AK2: variants seen among roughly 807,000 people sequenced by gnomAD.
AK2 encodes adenylate kinase 2.
In AK2, 15 loss-of-function variants were observed where a neutral mutation model predicts 24.6. The ratio of observed to expected loss-of-function variants is 0.61; its 90% confidence interval spans 0.41 to 0.94. The LOEUF (loss-of-function observed/expected upper bound fraction) is 0.94. Ranked by LOEUF, AK2 falls within the 40% of genes least tolerant of loss-of-function variation. The pLI is 0.00. For missense variants in AK2, 257 were observed against 304.1 expected (o/e 0.85, Z 1.15); for synonymous variants, 102 against 114.0 (o/e 0.90, Z 0.67).
chr1:33,018,985 A>G (rs1433845386), intron 4 of AK2, among the ~76,000 whole-genome samples: 3 of 152,182 alleles, frequency 2.0e-5, no homozygotes, highest in South Asian at 2.1e-4. Context: ...GCTCTTCTCA[A>G]CAGCATTCCT....
At position 33,008,360 on chromosome 1, in the gene AK2, G is replaced by C. The variant is rs1204515455; in HGVS notation, c.*4821C>G. On this transcript the variant is annotated 3_prime_UTR_variant, in exon 6 of 6. Coordinates refer to ENST00000672715, the MANE Select transcript of AK2 (RefSeq NM_001625.4). ...TCTGTCTTCATCTGAGGAAAGACTTGTGAGGCTTCTGAGGAGGCTGCTCTC... is the reference window on the plus strand; with the variant it reads ...TCTGTCTTCATCTGAGGAAAGACTTCTGAGGCTTCTGAGGAGGCTGCTCTC... The C allele has an allele frequency of 2.2e-6, 1 of 454,120 alleles. No homozygotes were observed. Among genetic ancestry groups the C allele is most frequent in the Non-Finnish European group, 4.4e-6 (1 of 226,786 alleles). The allele number at this position is 454,120 out of a possible 1,614,324, so 28.1% of individuals were successfully genotyped here.
At position 33,009,100 on chromosome 1, in the gene AK2, G is replaced by C. The variant is rs1173122720; in HGVS notation, c.*4081C>G. ...AGGTGAGGAAGTGGAGCAGAAGAGG[G>C]AGGGGCTGGTTCAGGGAACAGGATT... On this transcript the variant is annotated 3_prime_UTR_variant, in exon 6 of 6. Transcript: ENST00000672715. The C allele has an allele frequency of 2.2e-6, 1 of 453,786 alleles. No individual in the cohort carries two copies. The highest frequency in any genetic ancestry group is 1.6e-5 in the South Asian group (1 of 64,464). The allele number at this position is 453,786 out of a possible 1,614,324, so 28.1% of individuals were successfully genotyped here. A position where few individuals can be genotyped will look rare whatever the true frequency, so the allele number is the denominator to read the frequency against.
At chr1:33,016,330 G>C (rs1366803038) in intron 4 of AK2, among the ~76,000 whole-genome samples, 2 of 152,130 alleles carry the variant, frequency 1.3e-5, no homozygotes, top group Non-Finnish European at 2.9e-5. Flanking sequence ...TCCTGCCTCA[G>C]CCTCCCAAGT....
At chr1:33,032,331 A>T (rs533313868) in intron 1 of AK2, 7 of 152,376 alleles carry the variant, frequency 4.6e-5, no homozygotes, top group Admixed American at 4.6e-4. Context: ...GAATGGAGGC[A>T]TCACTGCCAG....
chr1:33,024,869 A>G (rs920555726), intron 1 of AK2, among the ~76,000 whole-genome samples: 4 of 152,232 alleles, frequency 2.6e-5, no homozygotes, highest in Admixed American at 6.5e-5. Flanking sequence ...CTAGTGACAC[A>G]TAAGTTTCAG....
rs377077897 is a variant in AK2 at position 33,008,553 on chromosome 1, A to C, written c.*4628T>G. 1 of 454,098 alleles carries C rather than the reference A, an allele frequency of 2.2e-6. No individual in the cohort carries two copies. Among genetic ancestry groups the C allele is most frequent in the South Asian group, 1.6e-5 (1 of 64,474 alleles). 28.1% of individuals were successfully genotyped at this position (454,098 alleles called of 1,614,324 possible). On this transcript the variant is annotated 3_prime_UTR_variant, in exon 6 of 6. Transcript: ENST00000672715. ...AGCAGCCCTTCCTGTGTGCAGAGCTACGCAAGTAATTAAATCACTTCAGCA... is the reference window on the plus strand; with the variant it reads ...AGCAGCCCTTCCTGTGTGCAGAGCTCCGCAAGTAATTAAATCACTTCAGCA...
chr1:33,031,482 G>C (rs1277393206), intron 1 of AK2: 1 of 423,212 alleles, frequency 2.4e-6, no homozygotes, highest in African/African-American at 2.0e-5. Context: ...ACTGAGCAAT[G>C]GGTGACTATG....
chr1:33,034,285 C>T (rs1557637102), intron 1 of AK2, among the ~76,000 whole-genome samples: 4 of 152,122 alleles, frequency 2.6e-5, no homozygotes, highest in Non-Finnish European at 5.9e-5. Flanking sequence ...TCAATCAACT[C>T]ATTAGTATAA....
At chr1:33,024,839 C>T (rs1273958905) in intron 1 of AK2, among the ~76,000 whole-genome samples, 2 of 152,182 alleles carry the variant, frequency 1.3e-5, no homozygotes, top group Non-Finnish European at 2.9e-5. Flanking sequence ...TATTAATTAT[C>T]ACTATTTCCA....
intron 2 of AK2, among the ~76,000 whole-genome samples, chr1:33,022,276 C>CA (rs1383542657): frequency 6.6e-6 from 1 of 150,628 alleles, no homozygotes; most frequent in African/African-American, 2.4e-5. Flanking sequence ...CATGAGGAAA[C>CA]AGAGAAGTTC....
At chr1:33,026,114 C>CT (rs1487450959) in intron 1 of AK2, among the ~76,000 whole-genome samples, 1 of 152,222 alleles carries the variant, frequency 6.6e-6, no homozygotes, top group African/African-American at 2.4e-5. Context: ...TCAATTTTAG[C>CT]TTTTTCCGTT....
chr1:33,034,476 A>G (rs1640450737), intron 1 of AK2, among the ~76,000 whole-genome samples: 1 of 151,162 alleles, frequency 6.6e-6, no homozygotes, highest in Non-Finnish European at 1.5e-5. Context: ...ACACACACAC[A>G]CACACACACA....
In AK2 at chr1:33,022,386, C is replaced by T. The variant is rs1157912319; in HGVS notation, c.220-683G>A. The stretch of plus-strand genomic sequence containing the variant: ...TTTTTTTTTTTTTTTGAGACAGTCT[C>T]ATTCTGTTGCCCAGGCTGGAGTACA... On this transcript the variant is annotated intron_variant, in intron 2 of 5. Transcript: ENST00000672715. 4.4e-5 allele frequency among the ~76,000 whole-genome samples: 6 copies of T among 135,458 alleles called. No individual in the cohort carries two copies. In the East Asian group the frequency reaches 1.1e-3, roughly 26 times the overall value. 88.9% of individuals were successfully genotyped at this position (135,458 alleles called of 152,430 possible). A position where few individuals can be genotyped will look rare whatever the true frequency, so the allele number is the denominator to read the frequency against.
At chr1:33,025,665 C>G (rs1012145760) in intron 1 of AK2, among the ~76,000 whole-genome samples, 1 of 152,200 alleles carries the variant, frequency 6.6e-6, no homozygotes, top group African/African-American at 2.4e-5. Flanking sequence ...TCCAGGTCCA[C>G]TAACCATTAT....
intron 5 of AK2, chr1:33,014,319 T>C (rs1443948796): frequency 1.0e-5 from 5 of 488,480 alleles, no homozygotes; most frequent in South Asian, 1.8e-5. Flanking sequence ...GAAGCAACCT[T>C]GAGGCCAAGC....
intron 1 of AK2, among the ~76,000 whole-genome samples, chr1:33,027,547 A>C (rs1260435801): frequency 6.6e-6 from 1 of 152,030 alleles, no homozygotes; most frequent in Non-Finnish European, 1.5e-5. Context: ...CAAGACTTCA[A>C]GACCAGCCTG....
rs996534787 is a variant in AK2, at chr1:33,008,013, G to C, written c.*5168C>G. ...ACACAGCTAAGAATTTAATATGTTA[G>C]ACTATTATTAATTATGAAAACACAT... On this transcript the variant is annotated 3_prime_UTR_variant, in exon 6 of 6. Transcript: ENST00000672715. The C allele has an allele frequency of 6.6e-6, 3 of 454,040 alleles. No individual in the cohort carries two copies. Among genetic ancestry groups the C allele is most frequent in the Non-Finnish European group, 8.8e-6 (2 of 226,790 alleles). The allele number at this position is 454,040 out of a possible 1,614,324, so 28.1% of individuals were successfully genotyped here.
chr1:33,014,021 C>A (rs1639017952), intron 5 of AK2, among the ~76,000 whole-genome samples: 1 of 152,196 alleles, frequency 6.6e-6, no homozygotes. Context: ...CTGTTGCCTG[C>A]ATGCTTTAAA....
At chr1:33,030,421 G>A (rs1640166579) in intron 1 of AK2, among the ~76,000 whole-genome samples, 2 of 151,918 alleles carry the variant, frequency 1.3e-5, no homozygotes, top group African/African-American at 2.4e-5. Context: ...TGGGCATGGT[G>A]GCAGGTACTT....
Sources: allele counts gnomAD v4.1 joint callset (sites outside exome capture counted in the v4.1 genomes callset), GRCh38; gene constraint gnomAD v4.1.1; transcripts MANE v1.5; gene names NCBI Gene and HGNC (gene_info 2026-07-23, HGNC 2026-07-21).